NUP98: variants seen among roughly 807,000 people sequenced by gnomAD.
NUP98 encodes nucleoporin 98 and 96 precursor, also known as nuclear pore complex protein Nup98-Nup96.
Under a neutral mutation model 191.9 loss-of-function variants are expected in NUP98, and 26 were observed. The observed-to-expected ratio is 0.14, with a 90% confidence interval of 0.10 to 0.19. The LOEUF is 0.19. Among genes scored for constraint, NUP98 ranks in the 10% least tolerant of loss-of-function variants. The probability of loss-of-function intolerance (pLI) is 1.00; values close to 1 mark genes in which losing one functional copy is unlikely to be tolerated. For missense variants in NUP98, 1,941 were observed against 2,178.8 expected (o/e 0.89, Z 2.17); for synonymous variants, 808 against 778.4 (o/e 1.04, Z -0.63).
chr11:3,711,908 A>T (rs2079031515), intron 20 of NUP98: 7 of 1,039,268 alleles, frequency 6.7e-6, no homozygotes, highest in South Asian at 4.6e-5. Context: ...TAGCATGGAA[A>T]ATACCAAAGG....
At chr11:3,767,963 C>G (rs1363670525) in intron 8 of NUP98, among the ~76,000 whole-genome samples, 1 of 152,076 alleles carries the variant, frequency 6.6e-6, no homozygotes, top group Non-Finnish European at 1.5e-5. Flanking sequence ...TGGCTGTAGT[C>G]AATTTTCCAA....
intron 8 of NUP98, among the ~76,000 whole-genome samples, chr11:3,767,652 C>T (rs1485688213): frequency 1.3e-5 from 2 of 152,058 alleles, no homozygotes; most frequent in African/African-American, 4.8e-5. Context: ...AAAAGTATCT[C>T]TAATTTTAAG....
Position 3,797,456 on chromosome 11 carries a change from A to G in NUP98, c.-85T>C. 2.4e-6 allele frequency: 1 copy of G among 417,482 alleles called. No individual in the cohort carries two copies. The highest frequency in any genetic ancestry group is 4.2e-6 in the Non-Finnish European group (1 of 237,122). 25.9% of individuals were successfully genotyped at this position (417,482 alleles called of 1,614,324 possible). A position where few individuals can be genotyped will look rare whatever the true frequency, so the allele number is the denominator to read the frequency against. On this transcript the variant is annotated 5_prime_UTR_variant, in exon 1 of 33. Coordinates refer to ENST00000324932, the MANE Select transcript of NUP98 (RefSeq NM_016320.5). ...AGTCCCCTGCTGCCACCCGCCGCTCACAGAGCAGCGCGCGGCCCCCACGAA... is the reference window on the plus strand; with the variant it reads ...AGTCCCCTGCTGCCACCCGCCGCTCGCAGAGCAGCGCGCGGCCCCCACGAA...
intron 26 of NUP98, among the ~76,000 whole-genome samples, chr11:3,694,715 G>C (rs377075682): frequency 1.3e-5 from 2 of 151,498 alleles, no homozygotes; most frequent in East Asian, 3.9e-4. Context: ...ACTCCAACCT[G>C]GGCAACAGAG....
rs58867754 is a variant in NUP98, at chr11:3,753,755, C to CAAAAAAAAA, written c.1175-356_1175-348dup. 6.9e-4 allele frequency among the ~76,000 whole-genome samples: 7 copies of CAAAAAAAAA among 10,174 alleles called. 2 individuals carry two copies. Among genetic ancestry groups the CAAAAAAAAA allele is most frequent in the African/African-American group, 1.4e-3 (3 of 2,216 alleles). The allele number at this position is 10,174 out of a possible 152,430, so 6.7% of individuals were successfully genotyped here. ...GTGAAACCCCGTCTCTATAAAAATA[C>CAAAAAAAAA]AAAAAAAAAAAAAAAAAAAAAAAAA... On this transcript the variant is annotated intron_variant, in intron 10 of 32. Coordinates refer to ENST00000324932, the MANE Select transcript of NUP98 (RefSeq NM_016320.5).
intron 12 of NUP98, among the ~76,000 whole-genome samples, chr11:3,740,858 G>T (rs149687131): frequency 2.0e-5 from 3 of 149,828 alleles, no homozygotes; most frequent in Non-Finnish European, 4.4e-5. Context: ...TCGCACTTTC[G>T]CCCAGGCTGG....
At chr11:3,711,979 A>G in intron 20 of NUP98, 1 of 1,046,104 alleles carries the variant, frequency 9.6e-7, no homozygotes, top group Non-Finnish European at 1.2e-6. Context: ...TATCAATGAT[A>G]CAAGTAATTG....
chr11:3,692,886 C>A (rs1204554866), intron 27 of NUP98, among the ~76,000 whole-genome samples: 1 of 152,110 alleles, frequency 6.6e-6, no homozygotes, highest in East Asian at 1.9e-4. Context: ...AACCTCAAAA[C>A]TGACAAGGAA....
rs549214359 is a variant in NUP98 at position 3,698,725 on chromosome 11, CAAAAAAAAAAAAAAA to C, written c.4009+342_4009+356del. On this transcript the variant is annotated intron_variant, in intron 25 of 32. Transcript: ENST00000324932. ...CTGGGCAACAAGAGTGAAACTGTCT[CAAAAAAAAAAAAAAA>C]AAAAAAAAAAAGTCATGGTTCCTAT... Among the ~76,000 whole-genome samples, 4 of 35,752 alleles carry C rather than the reference CAAAAAAAAAAAAAAA, an allele frequency of 1.1e-4. 1 individual carries two copies. The highest frequency in any genetic ancestry group is 2.0e-4 in the Non-Finnish European group (4 of 20,400). The allele number at this position is 35,752 out of a possible 152,430, so 23.5% of individuals were successfully genotyped here. A position where few individuals can be genotyped will look rare whatever the true frequency, so the allele number is the denominator to read the frequency against.
rs1250424140 is a variant in NUP98, at chr11:3,689,860, C to T, written c.4454+1487G>A. On this transcript the variant is annotated intron_variant, in intron 28 of 32. Transcript: ENST00000324932. ...CCATATTGCCCAGGCTGGCCTCGAA[C>T]TCCTGGGCTCAAGTGATCTGCTGGC... Among the ~76,000 whole-genome samples, 17 of 151,532 alleles carry T rather than the reference C, an allele frequency of 1.1e-4. 1 individual carries two copies. Among genetic ancestry groups the T allele is most frequent in the African/African-American group, 3.9e-4 (16 of 41,212 alleles).
At chr11:3,791,520 C>G (rs770876740) in intron 1 of NUP98, among the ~76,000 whole-genome samples, 2 of 110,626 alleles carry the variant, frequency 1.8e-5, no homozygotes, top group South Asian at 2.9e-4. Flanking sequence ...GGGGAAAGAC[C>G]GAGACCTCGT....
intron 20 of NUP98, among the ~76,000 whole-genome samples, chr11:3,708,699 C>A (rs764114611): frequency 6.7e-6 from 1 of 148,482 alleles, no homozygotes; most frequent in Non-Finnish European, 1.5e-5. Flanking sequence ...CCTTTTTAGG[C>A]CAGTCCTGAA....
At chr11:3,791,056 C>T (rs2082322875) in intron 1 of NUP98, among the ~76,000 whole-genome samples, 1 of 151,954 alleles carries the variant, frequency 6.6e-6, no homozygotes, top group Admixed American at 6.6e-5. Context: ...CCACCACGCC[C>T]AGCTAATTTT....
At chr11:3,728,171 T>C (rs754805623) in intron 14 of NUP98, among the ~76,000 whole-genome samples, 4 of 152,188 alleles carry the variant, frequency 2.6e-5, no homozygotes, top group African/African-American at 7.2e-5. Flanking sequence ...ATAAATAGCA[T>C]GCCTATCGTG....
intron 1 of NUP98, among the ~76,000 whole-genome samples, chr11:3,783,014 G>A (rs1262043444): frequency 6.6e-6 from 1 of 152,122 alleles, no homozygotes; most frequent in African/African-American, 2.4e-5. Context: ...TTCTCTTTGA[G>A]ATTACGTTTT....
Position 3,720,809 on chromosome 11 carries a change from C to T in NUP98, c.2163G>A (p.Lys721=). The stretch of plus-strand genomic sequence containing the variant: ...TAGATGGAATAGTATAGTAACCAAC[C>T]TTAGTGAGAATAATACCTGTGACAA... The part of the protein sequence containing the change: ...HMHPAGIILT[K]VGYYTIPSMD... The change falls in exon 17 of 33, where the codon AAG becomes AAA. Residue 721 remains lysine, a synonymous_variant. Transcript: ENST00000324932. The T allele has an allele frequency of 8.9e-7, 1 of 1,127,400 alleles. No individual in the cohort carries two copies. Among genetic ancestry groups the T allele is most frequent in the Non-Finnish European group, 1.3e-6 (1 of 784,230 alleles). The allele number at this position is 1,127,400 out of a possible 1,614,324, so 69.8% of individuals were successfully genotyped here. A position where few individuals can be genotyped will look rare whatever the true frequency, so the allele number is the denominator to read the frequency against.
intron 8 of NUP98, 88 bp downstream of exon 8, chr11:3,768,493 T>C (rs370273826): frequency 4.2e-6 from 5 of 1,201,276 alleles, no homozygotes; most frequent in Non-Finnish European, 5.6e-6. Flanking sequence ...GCAGTACAGG[T>C]AGAATTTGCT....
intron 8 of NUP98, among the ~76,000 whole-genome samples, chr11:3,766,709 AAG>A (rs1298055773): frequency 2.6e-5 from 4 of 151,586 alleles, no homozygotes; most frequent in Non-Finnish European, 4.4e-5. Flanking sequence ...AAAAAAAAAA[AAG>A]AGAGAAGCCT....
intron 19 of NUP98, 50 bp downstream of exon 19, chr11:3,713,768 T>C: frequency 6.5e-7 from 1 of 1,540,090 alleles, no homozygotes. Context: ...AAACGTTATG[T>C]GACTCCAAAT....
Sources: gnomAD v4.1 joint callset for allele counts (sites outside exome capture counted in the v4.1 genomes callset) on GRCh38, gnomAD v4.1.1 for gene constraint, MANE v1.5 for transcripts, NCBI Gene and HGNC (gene_info 2026-07-23, HGNC 2026-07-21) for gene names.